The following TRAPPC9 variants were observed in gnomAD, a reference collection of about 807,000 sequenced individuals.
TRAPPC9 encodes IKK2 binding protein.
TRAPPC9 carries 83 observed loss-of-function variants against 124.0 expected under a neutral mutation model. The observed-to-expected ratio is 0.67, with a 90% CI of 0.56 to 0.80. The LOEUF (loss-of-function observed/expected upper bound fraction) is 0.80. Among genes scored for constraint, TRAPPC9 ranks in the 30% least tolerant of loss-of-function variants. The pLI, the probability that TRAPPC9 is intolerant of heterozygous loss-of-function variation, is 0.00. For missense variants in TRAPPC9, 1,302 were observed against 1,508.3 expected (o/e 0.86, Z 2.27); for synonymous variants, 638 against 617.5 (o/e 1.03, Z -0.49).
intron 10 of TRAPPC9, among the ~76,000 whole-genome samples, chr8:140,307,392 G>C (rs1487442192): frequency 6.6e-6 from 1 of 152,152 alleles, no homozygotes; most frequent in Non-Finnish European, 1.5e-5. Flanking sequence ...TTTTGCCTAA[G>C]TTAGCCTGGT....
intron 4 of TRAPPC9, among the ~76,000 whole-genome samples, chr8:140,427,123 G>A (rs1328127925): frequency 2.1e-5 from 3 of 145,536 alleles, no homozygotes; most frequent in Non-Finnish European, 3.0e-5. Flanking sequence ...TTTTAGTAGA[G>A]ACGGGTTTCA....
At chr8:139,870,843 G>A (rs2131030827) in intron 21 of TRAPPC9, among the ~76,000 whole-genome samples, 1 of 152,222 alleles carries the variant, frequency 6.6e-6, no homozygotes, top group Admixed American at 6.5e-5. Context: ...TTTTTTCTTT[G>A]CAACATAAAT....
At chr8:140,157,529 G>A (rs1489158209) in intron 17 of TRAPPC9, among the ~76,000 whole-genome samples, 2 of 152,256 alleles carry the variant, frequency 1.3e-5, no homozygotes, top group Non-Finnish European at 2.9e-5. Flanking sequence ...GAGATTCCAT[G>A]TAACACCATG....
chr8:140,458,364 C>T (rs756710322), upstream of TRAPPC9: 1 of 1,595,102 alleles, frequency 6.3e-7, no homozygotes, highest in Admixed American at 1.8e-5. Flanking sequence ...ACTGTGGATC[C>T]CTGCGGCACC....
chr8:140,106,051 A>G (rs1334961533), intron 17 of TRAPPC9, among the ~76,000 whole-genome samples: 1 of 152,038 alleles, frequency 6.6e-6, no homozygotes, highest in Non-Finnish European at 1.5e-5. Flanking sequence ...AAAAAAAAAA[A>G]AGTCTGGTGC....
At chr8:139,783,121 T>TTA (rs1258481739) in intron 21 of TRAPPC9, among the ~76,000 whole-genome samples, 1 of 152,070 alleles carries the variant, frequency 6.6e-6, no homozygotes, top group African/African-American at 2.4e-5. Flanking sequence ...GTCTTCCACT[T>TTA]TATAAATCAG....
chr8:139,996,158 CAAAA>C, intron 18 of TRAPPC9, among the ~76,000 whole-genome samples: 4 of 19,424 alleles, frequency 2.1e-4, no homozygotes, highest in African/African-American at 4.2e-4. Context: ...AAAACTTAAG[CAAAA>C]AAAAAAAAAA....
chr8:140,229,018 C>T (rs1161774951), intron 16 of TRAPPC9, among the ~76,000 whole-genome samples: 1 of 152,050 alleles, frequency 6.6e-6, no homozygotes, highest in African/African-American at 2.4e-5. Flanking sequence ...TAGGTATATG[C>T]AGAACTTTTT....
chr8:139,741,831 G>A (rs557048026), intron 21 of TRAPPC9, among the ~76,000 whole-genome samples: 2 of 152,270 alleles, frequency 1.3e-5, no homozygotes, highest in Admixed American at 6.5e-5. Flanking sequence ...AGGCTCACCC[G>A]TGCTGCAGCA....
chr8:139,775,251 G>A (rs1308793920), intron 21 of TRAPPC9, among the ~76,000 whole-genome samples: 2 of 152,218 alleles, frequency 1.3e-5, no homozygotes, highest in Non-Finnish European at 2.9e-5. Context: ...GAAGCTCTGA[G>A]GGGCTGACTC....
chr8:140,314,628 C>T (rs2066396533), intron 9 of TRAPPC9, among the ~76,000 whole-genome samples: 1 of 152,198 alleles, frequency 6.6e-6, no homozygotes, highest in South Asian at 2.1e-4. Context: ...CTCTTCTAAC[C>T]TCTATTCTGC....
chr8:140,251,676 C>A (rs935369275), intron 16 of TRAPPC9, among the ~76,000 whole-genome samples: 5 of 152,116 alleles, frequency 3.3e-5, no homozygotes, highest in Non-Finnish European at 5.9e-5. Context: ...GGAGGTGGGG[C>A]CTTTGGGAGG....
At chr8:140,433,593 A>AAAC (rs369074682) in intron 4 of TRAPPC9, among the ~76,000 whole-genome samples, 15 of 152,222 alleles carry the variant, frequency 9.9e-5, no homozygotes, top group South Asian at 2.1e-4. Flanking sequence ...CTGTCTCAAA[A>AAAC]AACAACAACA....
chr8:140,336,908 G>GA, intron 9 of TRAPPC9, among the ~76,000 whole-genome samples: 1 of 87,100 alleles, frequency 1.1e-5, no homozygotes, highest in East Asian at 3.7e-4. Flanking sequence ...AACAGGATAT[G>GA]GGGTAAGACA....
At chr8:140,380,393 G>A (rs970406596) in intron 7 of TRAPPC9, among the ~76,000 whole-genome samples, 2 of 152,066 alleles carry the variant, frequency 1.3e-5, no homozygotes, top group Admixed American at 6.6e-5. Context: ...GCGGCTCACG[G>A]CTGTAATCCC....
In TRAPPC9 at chr8:140,091,915, T is replaced by C. The variant is rs184246680; in HGVS notation, c.2557-67836A>G. The stretch of plus-strand genomic sequence containing the variant: ...TCAAGACCTTCTACAGTGGCGCCCA[T>C]TCCACCTCTGCAGACCCATCTCCCG... On this transcript the variant is annotated intron_variant, in intron 17 of 22. Transcript: ENST00000438773. Among the ~76,000 whole-genome samples the C allele has an allele frequency of 2.3e-4, 35 of 152,114 alleles. No individual in the cohort carries two copies. In the East Asian group the frequency reaches 6.4e-3, roughly 28 times the overall value.
At chr8:140,223,756 CAAAA>C (rs2063388929) in intron 16 of TRAPPC9, among the ~76,000 whole-genome samples, 1 of 144,208 alleles carries the variant, frequency 6.9e-6, no homozygotes, top group South Asian at 2.2e-4. Flanking sequence ...AAAAAAAAAA[CAAAA>C]ACACTTCTCT....
intron 17 of TRAPPC9, among the ~76,000 whole-genome samples, chr8:140,032,325 T>C (rs1840546732): frequency 6.6e-6 from 1 of 152,242 alleles, no homozygotes. Context: ...AACCACCTTA[T>C]TAGTTTTCCT....
In TRAPPC9 at chr8:140,114,109, A is replaced by T. The variant is rs1431912424; in HGVS notation, c.2557-90030T>A. ...ATGCACCTCCAGTAGCATAGCTGGT[A>T]GCTGGTCTGAGTTCCTCACAAAACT... On this transcript the variant is annotated intron_variant, in intron 17 of 22. Coordinates refer to ENST00000438773, the MANE Select transcript of TRAPPC9 (RefSeq NM_001160372.4). 2.6e-5 allele frequency among the ~76,000 whole-genome samples: 4 copies of T among 152,308 alleles called. No individual in the cohort carries two copies. In the East Asian group the frequency reaches 7.7e-4, roughly 29 times the overall value.
Sources: allele counts gnomAD v4.1 joint callset (sites outside exome capture counted in the v4.1 genomes callset), GRCh38; gene constraint gnomAD v4.1.1; transcripts MANE v1.5; gene names NCBI Gene and HGNC (gene_info 2026-07-23, HGNC 2026-07-21).